The following TRAM2 variants were observed in gnomAD, a reference collection of about 807,000 sequenced individuals.
TRAM2 encodes translocating chain-associated membrane protein 2.
TRAM2 carries 12 observed loss-of-function variants against 51.0 expected under a neutral mutation model. The ratio of observed to expected loss-of-function variants is 0.24; its 90% CI spans 0.15 to 0.38. The LOEUF is 0.38. Ranked by LOEUF, TRAM2 falls within the 10% of genes least tolerant of loss-of-function variation. TRAM2 has a pLI of 1.00. For missense variants in TRAM2, 361 were observed against 462.0 expected, an observed-to-expected ratio of 0.78 and a Z score of 2.00; for synonymous variants, 175 against 179.4, an observed-to-expected ratio of 0.98 and a Z score of 0.20.
chr6:52,560,273 G>A (rs1767477294), intron 1 of TRAM2, among the ~76,000 whole-genome samples: 1 of 151,674 alleles, frequency 6.6e-6, no homozygotes, highest in African/African-American at 2.4e-5. Flanking sequence ...GAGAGAGAGA[G>A]AAACATATAA....
At chr6:52,513,835 A>G (rs556521786) in intron 4 of TRAM2, among the ~76,000 whole-genome samples, 38 of 152,364 alleles carry the variant, frequency 2.5e-4, no homozygotes, top group African/African-American at 8.9e-4. Flanking sequence ...CTGGCTGAGC[A>G]GAAAATGGAT....
Position 52,497,674 on chromosome 6 carries a change from C to T in TRAM2, c.*5523G>A, listed in dbSNP as rs1245850947. ...CATATGAACAGGCTAGAGTAGAAAACAGACACTTTGTCCACATTTGCATTA... is the reference window on the plus strand; with the variant it reads ...CATATGAACAGGCTAGAGTAGAAAATAGACACTTTGTCCACATTTGCATTA... On this transcript the variant is annotated 3_prime_UTR_variant, in exon 11 of 11. Coordinates refer to ENST00000182527, the MANE Select transcript of TRAM2 (RefSeq NM_012288.4). 6.6e-6 allele frequency: 1 copy of T among 150,650 alleles called. No individual in the cohort carries two copies. Among genetic ancestry groups the T allele is most frequent in the African/African-American group, 2.5e-5 (1 of 40,660 alleles). 9.3% of individuals were successfully genotyped at this position (150,650 alleles called of 1,614,324 possible).
intron 1 of TRAM2, among the ~76,000 whole-genome samples, chr6:52,569,682 A>G (rs1159448690): frequency 6.6e-6 from 1 of 151,982 alleles, no homozygotes; most frequent in Non-Finnish European, 1.5e-5. Flanking sequence ...CATCAAGTTT[A>G]AGACCTGACT....
At chr6:52,570,171 T>C (rs567029716) in intron 1 of TRAM2, among the ~76,000 whole-genome samples, 1 of 152,270 alleles carries the variant, frequency 6.6e-6, no homozygotes, top group South Asian at 2.1e-4. Flanking sequence ...GCAGTAAAAA[T>C]ATAACAGCCA....
intron 2 of TRAM2, among the ~76,000 whole-genome samples, chr6:52,522,080 T>C (rs1766687181): frequency 6.6e-6 from 1 of 152,286 alleles, no homozygotes; most frequent in Admixed American, 6.5e-5. Context: ...CAGAGAAATA[T>C]GCTTTCCACT....
At chr6:52,539,546 A>C (rs2268725) in intron 1 of TRAM2, among the ~76,000 whole-genome samples, 2,598 of 149,798 alleles carry the variant, frequency 0.017, 37 homozygotes, top group East Asian at 0.085. Context: ...ACAACAAAAA[A>C]AAAAAATCAC....
At chr6:52,572,612 C>T (rs545440244) in intron 1 of TRAM2, among the ~76,000 whole-genome samples, 6 of 152,254 alleles carry the variant, frequency 3.9e-5, no homozygotes, top group African/African-American at 1.4e-4. Flanking sequence ...CAAGTTGATC[C>T]GTGTCCACAG....
chr6:52,545,795 T>C (rs1385678584), intron 1 of TRAM2, among the ~76,000 whole-genome samples: 1 of 152,004 alleles, frequency 6.6e-6, no homozygotes, highest in East Asian at 1.9e-4. Flanking sequence ...TGGCTCCCTA[T>C]TGCTCAGGAG....
chr6:52,505,842 G>T, intron 8 of TRAM2, 100 bp from the exon 9 acceptor site: 1 of 1,495,832 alleles, frequency 6.7e-7, no homozygotes, highest in East Asian at 2.3e-5. Flanking sequence ...GAGGATTCAA[G>T]GGTGGCTGGG....
At chr6:52,519,839 T>C (rs1766633861) in intron 2 of TRAM2, among the ~76,000 whole-genome samples, 1 of 149,950 alleles carries the variant, frequency 6.7e-6, no homozygotes, top group Non-Finnish European at 1.5e-5. Context: ...TTCTGACACA[T>C]GCTACAACAT....
At chr6:52,550,634 C>T (rs932343839) in intron 1 of TRAM2, among the ~76,000 whole-genome samples, 11 of 152,284 alleles carry the variant, frequency 7.2e-5, no homozygotes, top group Non-Finnish European at 1.3e-4. Flanking sequence ...TCACTGCAGC[C>T]TCTGCCTCCC....
chr6:52,575,318 A>T (rs1474683152), intron 1 of TRAM2, among the ~76,000 whole-genome samples: 6 of 152,070 alleles, frequency 3.9e-5, no homozygotes, highest in African/African-American at 9.7e-5. Context: ...CACGGATATG[A>T]CTCTGTGTGA....
At chr6:52,565,270 CATTTAGGTGAGGA>C (rs1361852809) in intron 1 of TRAM2, among the ~76,000 whole-genome samples, 1 of 152,102 alleles carries the variant, frequency 6.6e-6, no homozygotes, top group Non-Finnish European at 1.5e-5. Flanking sequence ...CAACCATGGC[CATTTAGGTGAGGA>C]ATATCAAATG....
intron 1 of TRAM2, among the ~76,000 whole-genome samples, chr6:52,565,749 T>C (rs1011657427): frequency 5.3e-5 from 8 of 152,208 alleles, no homozygotes; most frequent in African/African-American, 1.9e-4. Context: ...TATAGGTAGA[T>C]CTCAGTACAT....
chr6:52,555,307 C>A (rs1767386005), intron 1 of TRAM2, among the ~76,000 whole-genome samples: 1 of 151,884 alleles, frequency 6.6e-6, no homozygotes, highest in Non-Finnish European at 1.5e-5. Flanking sequence ...TCTCCCCCAG[C>A]AGCAGGCTTA....
intron 1 of TRAM2, among the ~76,000 whole-genome samples, chr6:52,571,029 A>C (rs1448430149): frequency 6.6e-6 from 1 of 152,164 alleles, no homozygotes; most frequent in Non-Finnish European, 1.5e-5. Context: ...TTGTGAGATA[A>C]GAAGGGCTGT....
chr6:52,553,745 A>G (rs1174608091), intron 1 of TRAM2, among the ~76,000 whole-genome samples: 1 of 152,232 alleles, frequency 6.6e-6, no homozygotes, highest in Non-Finnish European at 1.5e-5. Context: ...GGAGTTGTTC[A>G]GTTGCTTGGT....
chr6:52,573,238 C>A (rs974951638), intron 1 of TRAM2, among the ~76,000 whole-genome samples: 1 of 152,112 alleles, frequency 6.6e-6, no homozygotes, highest in Non-Finnish European at 1.5e-5. Flanking sequence ...CAGAACAGGA[C>A]ACTGGAAGGA....
At position 52,501,844 on chromosome 6, in the gene TRAM2, G is replaced by GT. The variant is rs1172834587; in HGVS notation, c.*1352dup. ...CAGGCGTAAGCTACTGCGTCCGGCC[G>GT]TAATTAGGACCGGCTTTTTAAAGCT... is the stretch of plus-strand genomic sequence containing the variant. On this transcript the variant is annotated 3_prime_UTR_variant, in exon 11 of 11. Transcript: ENST00000182527. 3.3e-5 allele frequency: 5 copies of GT among 152,140 alleles called. No homozygotes were observed. The highest frequency in any genetic ancestry group is 1.2e-4 in the African/African-American group (5 of 41,434). The allele number at this position is 152,140 out of a possible 1,614,324, so 9.4% of individuals were successfully genotyped here.
Sources: allele counts gnomAD v4.1 joint callset (sites outside exome capture counted in the v4.1 genomes callset), GRCh38; gene constraint gnomAD v4.1.1; transcripts MANE v1.5; gene names NCBI Gene and HGNC (gene_info 2026-07-23, HGNC 2026-07-21).